The following MOGAT2 variants were observed in gnomAD, a reference collection of about 807,000 sequenced individuals.
MOGAT2 encodes 2-acylglycerol O-acyltransferase 2.
Under a neutral mutation model 31.5 loss-of-function variants are expected in MOGAT2, and 27 were observed. The ratio of observed to expected loss-of-function variants is 0.86; its 90% CI spans 0.63 to 1.18. The LOEUF (loss-of-function observed/expected upper bound fraction) is 1.18. Ranked by LOEUF, MOGAT2 falls within the 50% of genes most tolerant of loss-of-function variation. The pLI, the probability that MOGAT2 is intolerant of heterozygous loss-of-function variation, is 0.00. For missense variants in MOGAT2, 436 were observed against 433.2 expected (o/e 1.01, Z -0.06); for synonymous variants, 163 against 170.0 (o/e 0.96, Z 0.32).
chr11:75,721,750 C>A (rs1180317278), intron 2 of MOGAT2, among the ~76,000 whole-genome samples: 3 of 152,172 alleles, frequency 2.0e-5, no homozygotes, highest in Non-Finnish European at 2.9e-5. Flanking sequence ...CGCCTGGGAA[C>A]CCTACCTCTT....
At chr11:75,723,948 C>A (rs1202574046) in intron 2 of MOGAT2, among the ~76,000 whole-genome samples, 1 of 152,096 alleles carries the variant, frequency 6.6e-6, no homozygotes, top group Non-Finnish European at 1.5e-5. Flanking sequence ...GGAGACAGAC[C>A]ACAGCACTTC....
chr11:75,730,091 A>T (rs755431241), intron 5 of MOGAT2, among the ~76,000 whole-genome samples: 47 of 152,130 alleles, frequency 3.1e-4, no homozygotes, highest in Non-Finnish European at 5.7e-4. Flanking sequence ...ATCTCCATCC[A>T]TCCACTTGCT....
At chr11:75,718,294 C>T (rs140813020) in intron 1 of MOGAT2, among the ~76,000 whole-genome samples, 121 of 152,206 alleles carry the variant, frequency 7.9e-4, no homozygotes, top group African/African-American at 2.2e-3. Flanking sequence ...AGCCTCTGGG[C>T]GATGACGGGA....
At chr11:75,719,032 T>C (rs1024544678) in intron 1 of MOGAT2, among the ~76,000 whole-genome samples, 3 of 152,056 alleles carry the variant, frequency 2.0e-5, no homozygotes, top group African/African-American at 7.2e-5. Context: ...CCCACAATTC[T>C]GTAGTGAAAA....
chr11:75,729,005 G>A lies in MOGAT2; in HGVS notation c.850+16G>A. 4 of 1,612,516 alleles carry A rather than the reference G, an allele frequency of 2.5e-6. No individual in the cohort carries two copies. Among genetic ancestry groups the A allele is most frequent in the Non-Finnish European group, 2.5e-6 (3 of 1,179,438 alleles). On this transcript the variant is annotated intron_variant, in intron 5 of 5. Coordinates refer to ENST00000198801, the MANE Select transcript of MOGAT2 (RefSeq NM_025098.4). ...ACCACTGTGGGTAAGTCCAGGACCA[G>A]GCTGGGAGGGAGGAGGCCAAAGGGA...
intron 2 of MOGAT2, among the ~76,000 whole-genome samples, chr11:75,725,912 G>A (rs149076263): frequency 4.6e-5 from 7 of 152,338 alleles, no homozygotes; most frequent in African/African-American, 9.6e-5. Context: ...CTTGGACTCC[G>A]ATGGCCGGGG....
At chr11:75,721,129 G>A (rs751040462) in intron 2 of MOGAT2, among the ~76,000 whole-genome samples, 16 of 152,058 alleles carry the variant, frequency 1.1e-4, no homozygotes, top group Non-Finnish European at 1.8e-4. Flanking sequence ...ACTAGATTCT[G>A]ATCCCAAGTC....
intron 5 of MOGAT2, among the ~76,000 whole-genome samples, chr11:75,730,387 A>T (rs1274706680): frequency 6.6e-6 from 1 of 152,162 alleles, no homozygotes; most frequent in Non-Finnish European, 1.5e-5. Flanking sequence ...AGCCGCTTCC[A>T]TTCATGGCAT....
In MOGAT2 at chr11:75,717,902, CGCCCTTGTTTAT is replaced by C; in HGVS notation, c.18_29del (p.Leu7_Pro10del). The C allele has an allele frequency of 6.2e-7, 1 of 1,614,140 alleles. No individual in the cohort carries two copies. Among genetic ancestry groups the C allele is most frequent in the East Asian group, 2.2e-5 (1 of 44,886 alleles). ...TGACCCGCCAGCATGGTAGAGTTCG[CGCCCTTGTTTAT>C]GCCGTGGGAGCGCAGGCTGCAGACA... is the stretch of plus-strand genomic sequence containing the variant. On this transcript the variant is annotated inframe_deletion, in exon 1 of 6. Coordinates refer to ENST00000198801, the MANE Select transcript of MOGAT2 (RefSeq NM_025098.4).
rs374126807 is a variant in MOGAT2 at position 75,728,898 on chromosome 11, C to T, written c.759C>T (p.Ile253=). The change falls in exon 5 of 6, where the codon ATC becomes ATT. Residue 253 remains isoleucine, a synonymous_variant. Transcript: ENST00000198801. ...LRYIQNRLQK[I]MGISLPLFHG... is the part of the protein sequence containing the mutation. ...ATATCCAGAATCGGTTGCAGAAGAT[C>T]ATGGGCATCTCCCTCCCACTCTTTC... The T allele has an allele frequency of 6.2e-6, 10 of 1,614,064 alleles. No homozygotes were observed. Among genetic ancestry groups the T allele is most frequent in the Non-Finnish European group, 7.6e-6 (9 of 1,180,032 alleles).
chr11:75,730,682 G>A (rs777913590), intron 5 of MOGAT2, among the ~76,000 whole-genome samples: 5 of 152,038 alleles, frequency 3.3e-5, no homozygotes, highest in African/African-American at 9.7e-5. Flanking sequence ...AGGTCGAGAC[G>A]GGCAGATCAC....
chr11:75,718,873 C>T (rs1944352591), intron 1 of MOGAT2, among the ~76,000 whole-genome samples: 1 of 152,124 alleles, frequency 6.6e-6, no homozygotes, highest in African/African-American at 2.4e-5. Context: ...CTGCTGCTTC[C>T]AGGGCTGAGG....
At chr11:75,719,774 CA>C in intron 1 of MOGAT2, 1 of 546,930 alleles carries the variant, frequency 1.8e-6, no homozygotes, top group Non-Finnish European at 3.3e-6. Flanking sequence ...TACCTAGGCT[CA>C]ACGCGTGCTC....
At chr11:75,718,443 G>C (rs1400120938) in intron 1 of MOGAT2, among the ~76,000 whole-genome samples, 1 of 152,196 alleles carries the variant, frequency 6.6e-6, no homozygotes, top group Non-Finnish European at 1.5e-5. Flanking sequence ...TGCAGACTGA[G>C]AGTGGACTGT....
intron 5 of MOGAT2, among the ~76,000 whole-genome samples, chr11:75,729,744 TTTTTTTTTG>T (rs1483978214): frequency 1.5e-5 from 2 of 137,286 alleles, no homozygotes; most frequent in Non-Finnish European, 3.1e-5. Flanking sequence ...TTAATTCTTT[TTTTTTTTTG>T]TTTTTTTTTG....
intron 4 of MOGAT2, 95 bp downstream of exon 4, chr11:75,728,239 AT>A: frequency 7.4e-7 from 1 of 1,344,086 alleles, no homozygotes. Flanking sequence ...TGCAGATTCT[AT>A]TTTGGTAGAG....
chr11:75,719,541 A>T (rs73502456), intron 1 of MOGAT2: 4,848 of 156,198 alleles, frequency 0.031, 218 homozygotes, highest in African/African-American at 0.095. Context: ...TATCTCTGGG[A>T]AAATGGGGCA....
Position 75,731,505 on chromosome 11 carries a change from C to T in MOGAT2, c.*219C>T. ...GTGAGGGCTGCTAGAGGGGCTGGGC[C>T]TCTCTTTGCACATGGACACTGGGCC... On this transcript the variant is annotated 3_prime_UTR_variant, in exon 6 of 6. Transcript: ENST00000198801. 1.9e-6 allele frequency: 1 copy of T among 526,238 alleles called. No homozygotes were observed. Among genetic ancestry groups the T allele is most frequent in the Non-Finnish European group, 3.3e-6 (1 of 300,018 alleles). The allele number at this position is 526,238 out of a possible 1,614,324, so 32.6% of individuals were successfully genotyped here. A position where few individuals can be genotyped will look rare whatever the true frequency, so the allele number is the denominator to read the frequency against.
chr11:75,718,981 T>TCTCACA (rs535098500), intron 1 of MOGAT2, among the ~76,000 whole-genome samples: 1 of 150,096 alleles, frequency 6.7e-6, no homozygotes, highest in African/African-American at 2.5e-5. Context: ...TCTCTCTCTC[T>TCTCACA]CACACACACA....
Sources: allele counts gnomAD v4.1 joint callset (sites outside exome capture counted in the v4.1 genomes callset), GRCh38; gene constraint gnomAD v4.1.1; transcripts MANE v1.5; gene names NCBI Gene and HGNC (gene_info 2026-07-23, HGNC 2026-07-21).